Variants in LZTS1 observed in about 807,000 individuals in gnomAD.
LZTS1 encodes the protein leucine zipper putative tumor suppressor 1.
In LZTS1, 31 loss-of-function variants were observed where a neutral mutation model predicts 45.8. That is an observed-to-expected ratio of 0.68 (90% CI 0.51 to 0.91). The LOEUF (loss-of-function observed/expected upper bound fraction) is 0.91, where lower values mean the gene tolerates loss of function less well. Among genes scored for constraint, LZTS1 ranks in the 40% least tolerant of loss-of-function variants. The pLI is 0.00. For missense variants in LZTS1, 821 were observed against 788.9 expected (o/e 1.04, Z -0.49); for synonymous variants, 359 against 357.3 (o/e 1.00, Z -0.05).
chr8:20,298,399 C>T (rs140550947), intron 1 of LZTS1, among the ~76,000 whole-genome samples: 252 of 152,332 alleles, frequency 1.7e-3, no homozygotes, highest in Admixed American at 0.014. Flanking sequence ...GTTTCCTCAT[C>T]TGCCAAATGG....
At chr8:20,254,792 C>A in intron 2 of LZTS1, 45 bp downstream of exon 2, 1 of 1,513,690 alleles carries the variant, frequency 6.6e-7, no homozygotes, top group Non-Finnish European at 8.9e-7. Flanking sequence ...TTTGCTTTCT[C>A]CTGCGTTTCC....
rs569732483 is a variant in LZTS1, at chr8:20,254,569, AG to A, written c.345+267del. ...TCCAGCTACATTTCAGTGGGACTCC[AG>A]AAAGCTCACATATCCCCTGTGCTCT... On this transcript the variant is annotated intron_variant, in intron 2 of 3. Transcript: ENST00000381569. 7.0e-3 allele frequency among the ~76,000 whole-genome samples: 1,062 copies of A among 152,376 alleles called. 9 individuals carry two copies. Among genetic ancestry groups the A allele is most frequent in the Non-Finnish European group, 0.011 (724 of 68,046 alleles).
At chr8:20,302,486 C>T (rs938182509) in intron 1 of LZTS1, among the ~76,000 whole-genome samples, 7 of 152,326 alleles carry the variant, frequency 4.6e-5, no homozygotes, top group African/African-American at 1.7e-4. Context: ...CAAACACCCT[C>T]TTGCCGGTAC....
At chr8:20,282,950 T>A (rs1800721904) in intron 1 of LZTS1, among the ~76,000 whole-genome samples, 1 of 152,126 alleles carries the variant, frequency 6.6e-6, no homozygotes. Context: ...AAGAATAGAA[T>A]TCTTTGAATA....
At chr8:20,287,447 T>C (rs1436990064) in intron 1 of LZTS1, among the ~76,000 whole-genome samples, 2 of 152,204 alleles carry the variant, frequency 1.3e-5, no homozygotes, top group Non-Finnish European at 2.9e-5. Context: ...CCCACCTCGT[T>C]CTTTCGCTCC....
rs115776500 is a variant in LZTS1 at position 20,294,268 on chromosome 8, A to C, written c.-135+9472T>G. Among the ~76,000 whole-genome samples the C allele has an allele frequency of 5.2e-3, 787 of 152,348 alleles. 6 individuals carry two copies. Among genetic ancestry groups the C allele is most frequent in the African/African-American group, 0.018 (748 of 41,582 alleles). On this transcript the variant is annotated intron_variant, in intron 1 of 3. Transcript: ENST00000381569. ...CAACAGATGTCCGAGGTACTGGTGG[A>C]AGCCCAGAGAAGCCAAATGCCTGGT...
intron 1 of LZTS1, among the ~76,000 whole-genome samples, chr8:20,273,809 C>A (rs1476623954): frequency 6.6e-6 from 1 of 151,908 alleles, no homozygotes; most frequent in Non-Finnish European, 1.5e-5. Flanking sequence ...CCCAAGGCTA[C>A]CCTATTGCCC....
chr8:20,297,551 A>G (rs1563903278), intron 1 of LZTS1, among the ~76,000 whole-genome samples: 1 of 152,142 alleles, frequency 6.6e-6, no homozygotes, highest in Non-Finnish European at 1.5e-5. Context: ...AGTAGCTGGG[A>G]CTACAGGCGT....
At chr8:20,277,901 G>T (rs1475175012) in intron 1 of LZTS1, among the ~76,000 whole-genome samples, 1 of 152,174 alleles carries the variant, frequency 6.6e-6, no homozygotes, top group African/African-American at 2.4e-5. Flanking sequence ...CTGGGAGCAG[G>T]ATAATGTGTG....
rs1226022833 is a variant in LZTS1 at position 20,250,234 on chromosome 8, C to G, written c.1279G>C (p.Glu427Gln). ...AQLKDTRGKL[E>Q]GLELRTQDLE... ...TCCTGGGTCCTCAGCTCCAGGCCCT[C>G]CAGCTTGCCCCGCGTGTCCTTCAGC... Residue 427 changes from glutamate to glutamine, a missense_variant, in exon 4 of 4, where the codon GAG (glutamate) becomes CAG (glutamine). Coordinates refer to ENST00000381569, the MANE Select transcript of LZTS1 (RefSeq NM_021020.5). 1 of 1,613,366 alleles carries G rather than the reference C, an allele frequency of 6.2e-7. No individual in the cohort carries two copies. The highest frequency in any genetic ancestry group is 1.1e-5 in the South Asian group (1 of 91,086).
chr8:20,249,030 AC>A lies in LZTS1; in HGVS notation c.*691del, dbSNP rs1799809618. The stretch of plus-strand genomic sequence containing the variant: ...AGCTCCCATTTGCAAGAACCAGTAA[AC>A]AGGGGCTGGGCCCCAGGGGCTGGCC... On this transcript the variant is annotated 3_prime_UTR_variant, in exon 4 of 4. Transcript: ENST00000381569. 1 of 153,110 alleles carries A rather than the reference AC, an allele frequency of 6.5e-6. No individual in the cohort carries two copies. Among genetic ancestry groups the A allele is most frequent in the South Asian group, 2.1e-4 (1 of 4,818 alleles). The allele number at this position is 153,110 out of a possible 1,614,324, so 9.5% of individuals were successfully genotyped here. A position where few individuals can be genotyped will look rare whatever the true frequency, so the allele number is the denominator to read the frequency against.
At chr8:20,258,675 A>G (rs1207531553) in intron 1 of LZTS1, among the ~76,000 whole-genome samples, 1 of 152,198 alleles carries the variant, frequency 6.6e-6, no homozygotes, top group East Asian at 1.9e-4. Context: ...AAATACCACC[A>G]TAAGATAACA....
chr8:20,277,145 C>T (rs992887666), intron 1 of LZTS1, among the ~76,000 whole-genome samples: 36 of 152,210 alleles, frequency 2.4e-4, no homozygotes, highest in Non-Finnish European at 4.3e-4. Flanking sequence ...CCTACCAAAA[C>T]CAAGATGGTG....
In LZTS1 at chr8:20,303,836, C is replaced by A; in HGVS notation, c.-231G>T. ...TCTTTTTCCAGAGCTGCTGAGCGGG[C>A]CGGGCCGGTCCCACTGCGCGGGATG... On this transcript the variant is annotated 5_prime_UTR_variant, in exon 1 of 4. Coordinates refer to ENST00000381569, the MANE Select transcript of LZTS1 (RefSeq NM_021020.5). 1.0e-6 allele frequency: 1 copy of A among 985,170 alleles called. No homozygotes were observed. The highest frequency in any genetic ancestry group is 1.2e-6 in the Non-Finnish European group (1 of 829,844). 61.0% of individuals were successfully genotyped at this position (985,170 alleles called of 1,614,324 possible). A position where few individuals can be genotyped will look rare whatever the true frequency, so the allele number is the denominator to read the frequency against.
Position 20,247,986 on chromosome 8 carries a change from A to C in LZTS1, c.*1736T>G, listed in dbSNP as rs1401833703. The C allele has an allele frequency of 6.5e-6, 1 of 152,730 alleles. No individual in the cohort carries two copies. Among genetic ancestry groups the C allele is most frequent in the Non-Finnish European group, 1.5e-5 (1 of 68,090 alleles). The allele number at this position is 152,730 out of a possible 1,614,324, so 9.5% of individuals were successfully genotyped here. A position where few individuals can be genotyped will look rare whatever the true frequency, so the allele number is the denominator to read the frequency against. On this transcript the variant is annotated 3_prime_UTR_variant, in exon 4 of 4. Transcript: ENST00000381569. Reference sequence around the variant, plus strand: ...GCCTGCTAGGTCTGGCTTGCTTCTGAAAAGACAAGAAAGCAAAAAAGAAAA... The same window carrying C: ...GCCTGCTAGGTCTGGCTTGCTTCTGCAAAGACAAGAAAGCAAAAAAGAAAA...
At chr8:20,301,143 A>G (rs1226209957) in intron 1 of LZTS1, among the ~76,000 whole-genome samples, 1 of 139,508 alleles carries the variant, frequency 7.2e-6, no homozygotes, top group East Asian at 2.0e-4. Context: ...AAAAAAAAAA[A>G]AAGTGGGAGC....
intron 1 of LZTS1, among the ~76,000 whole-genome samples, chr8:20,257,740 G>T (rs1417728872): frequency 1.3e-5 from 2 of 149,660 alleles, no homozygotes; most frequent in Non-Finnish European, 3.0e-5. Flanking sequence ...CATGATCTTG[G>T]CTCACTGCAA....
At chr8:20,254,764 C>G in intron 2 of LZTS1, 73 bp downstream of exon 2, 9 of 1,295,098 alleles carry the variant, frequency 6.9e-6, no homozygotes, top group Non-Finnish European at 9.4e-6. Context: ...CCTGAACCCC[C>G]AGGCTCTCCA....
chr8:20,288,798 C>T (rs554339759), intron 1 of LZTS1, among the ~76,000 whole-genome samples: 1 of 152,286 alleles, frequency 6.6e-6, no homozygotes, highest in South Asian at 2.1e-4. Flanking sequence ...CGTCTTCCAA[C>T]CCTCCCCTCT....
Sources: gnomAD v4.1 joint callset for allele counts (sites outside exome capture counted in the v4.1 genomes callset) on GRCh38, gnomAD v4.1.1 for gene constraint, MANE v1.5 for transcripts, NCBI Gene and HGNC (gene_info 2026-07-23, HGNC 2026-07-21) for gene names.